GNAL: variants seen among roughly 807,000 people sequenced by gnomAD.
The protein encoded by GNAL is guanine nucleotide-binding protein G(olf) subunit alpha.
GNAL carries 18 observed loss-of-function variants against 55.1 expected under a neutral mutation model. The observed-to-expected ratio is 0.33, with a 90% confidence interval of 0.23 to 0.48. The LOEUF (loss-of-function observed/expected upper bound fraction) is 0.48, where lower values mean the gene tolerates loss of function less well. GNAL is among the 20% of genes least tolerant of loss of function. GNAL has a pLI of 0.99. For synonymous variants in GNAL, 253 were observed against 237.0 expected (o/e 1.07, Z -0.62); for missense variants, 412 against 614.1 (o/e 0.67, Z 3.48).
rs1033078688 is a variant in GNAL, at chr18:11,868,183, C to G, written c.911-360C>G. On this transcript the variant is annotated intron_variant, in intron 8 of 11. Transcript: ENST00000334049. This position sits in a 1 kb window ranked among gnomAD's most constrained non-coding sequence, Gnocchi z 4.0. Reference sequence around the variant, plus strand: ...GGTGTGGTGACACATGCCTATAATCCTAGCTACTAGGGAGGCTGAGGCAGG... The same window carrying G: ...GGTGTGGTGACACATGCCTATAATCGTAGCTACTAGGGAGGCTGAGGCAGG... 2.6e-5 allele frequency among the ~76,000 whole-genome samples: 4 copies of G among 151,846 alleles called. No individual in the cohort carries two copies. Among genetic ancestry groups the G allele is most frequent in the Admixed American group, 2.6e-4 (4 of 15,212 alleles).
At chr18:11,831,184 G>C (rs926698406) in intron 5 of GNAL, among the ~76,000 whole-genome samples, 1 of 152,252 alleles carries the variant, frequency 6.6e-6, no homozygotes, top group Admixed American at 6.5e-5. Flanking sequence ...AAAAATGACA[G>C]GAGAGGGAAG....
At chr18:11,754,747 AT>A (rs779060327) in intron 4 of GNAL, among the ~76,000 whole-genome samples, 3 of 152,212 alleles carry the variant, frequency 2.0e-5, no homozygotes, top group Non-Finnish European at 4.4e-5. Context: ...TCACTTCTGA[AT>A]GTTTATCATA....
rs144395821 is a variant in GNAL, at chr18:11,749,000, C to G, written c.377-3853C>G. 3.3e-3 allele frequency among the ~76,000 whole-genome samples: 508 copies of G among 151,986 alleles called. 6 individuals are homozygous for G. The highest frequency in any genetic ancestry group is 0.012 in the African/African-American group (487 of 41,442). ...AATTAGCTGGGTGTGATGGCGGGTG[C>G]CTATAATCCCAGCTACTCGGGAGGC... On this transcript the variant is annotated intron_variant, in intron 1 of 11. Coordinates refer to ENST00000334049, the MANE Select transcript of GNAL (RefSeq NM_182978.4).
At chr18:11,859,749 C>CTT (rs560753290) in intron 5 of GNAL, among the ~76,000 whole-genome samples, 1 of 144,990 alleles carries the variant, frequency 6.9e-6, no homozygotes, top group Non-Finnish European at 1.5e-5. Context: ...AGTTGACATT[C>CTT]TTTTTTTTTT....
At chr18:11,703,795 G>GCACACACACACACACACACACACA (rs35455680) in intron 1 of GNAL, among the ~76,000 whole-genome samples, 5 of 141,410 alleles carry the variant, frequency 3.5e-5, no homozygotes, top group African/African-American at 1.3e-4. Context: ...GTGTTGATGG[G>GCACACACACACACACACACACACA]CACACACACA....
chr18:11,798,015 A>G (rs1351715195), intron 4 of GNAL, among the ~76,000 whole-genome samples: 1 of 152,236 alleles, frequency 6.6e-6, no homozygotes, highest in East Asian at 1.9e-4. Flanking sequence ...CTTCAACAAC[A>G]TATTCCAGCA....
chr18:11,792,434 C>T (rs904425119), intron 4 of GNAL, among the ~76,000 whole-genome samples: 33 of 152,332 alleles, frequency 2.2e-4, no homozygotes, highest in African/African-American at 7.9e-4. Flanking sequence ...GATCTGCCCG[C>T]CTTGGCCTCC....
Position 11,884,239 on chromosome 18 carries a change from T to C in GNAL, c.*3104T>C. 2 of 550,256 alleles carry C rather than the reference T, an allele frequency of 3.6e-6. No individual in the cohort carries two copies. Among genetic ancestry groups the C allele is most frequent in the South Asian group, 2.4e-5 (1 of 41,202 alleles). The allele number at this position is 550,256 out of a possible 1,614,324, so 34.1% of individuals were successfully genotyped here. A position where few individuals can be genotyped will look rare whatever the true frequency, so the allele number is the denominator to read the frequency against. ...ATTTGATAAAAATGAGAAAACAGATTTGTTGTAGAGTACCTGTCCACTTTT... is the reference window on the plus strand; with the variant it reads ...ATTTGATAAAAATGAGAAAACAGATCTGTTGTAGAGTACCTGTCCACTTTT... On this transcript the variant is annotated 3_prime_UTR_variant, in exon 12 of 12. Transcript: ENST00000334049.
chr18:11,871,354 G>A (rs1166407375), intron 9 of GNAL, among the ~76,000 whole-genome samples: 2 of 151,466 alleles, frequency 1.3e-5, no homozygotes, highest in African/African-American at 2.4e-5. Context: ...CAGTTCAAGC[G>A]ATTCTCCTGC....
chr18:11,695,920 A>G (rs1387651126), intron 1 of GNAL, among the ~76,000 whole-genome samples: 4 of 140,852 alleles, frequency 2.8e-5, no homozygotes, highest in Non-Finnish European at 4.5e-5. Flanking sequence ...GCATGCACGC[A>G]TGCACACACA....
chr18:11,825,613 C>G (rs962463980), intron 5 of GNAL, among the ~76,000 whole-genome samples: 13 of 151,102 alleles, frequency 8.6e-5, no homozygotes, highest in African/African-American at 3.2e-4. Flanking sequence ...TGCCTGTAAT[C>G]CCAGCTACTC....
At chr18:11,802,188 G>A (rs959183524) in intron 4 of GNAL, among the ~76,000 whole-genome samples, 1 of 152,076 alleles carries the variant, frequency 6.6e-6, no homozygotes, top group African/African-American at 2.4e-5. Context: ...TACGAACTTC[G>A]CCCGAAAATC....
chr18:11,858,333 T>C (rs1016850855), intron 5 of GNAL, among the ~76,000 whole-genome samples: 3 of 152,224 alleles, frequency 2.0e-5, no homozygotes, highest in Non-Finnish European at 2.9e-5. Flanking sequence ...TTTTTTACAA[T>C]GCTAATTTGG....
At chr18:11,857,443 A>C (rs956833107) in intron 5 of GNAL, 1 of 979,944 alleles carries the variant, frequency 1.0e-6, no homozygotes, top group Non-Finnish European at 1.2e-6. Flanking sequence ...TGATGTTAAA[A>C]GAGACTGAAG....
At chr18:11,788,914 A>AATATATATATATATATAT (rs766675246) in intron 4 of GNAL, among the ~76,000 whole-genome samples, 8 of 56,290 alleles carry the variant, frequency 1.4e-4, no homozygotes, top group South Asian at 9.6e-4. Context: ...AAAAAAAAAA[A>AATATATATATATATATAT]ATATATATAT....
intron 1 of GNAL, among the ~76,000 whole-genome samples, chr18:11,714,031 T>C (rs1598407633): frequency 6.6e-6 from 1 of 152,108 alleles, no homozygotes; most frequent in Non-Finnish European, 1.5e-5. Context: ...AGCTTCAGAG[T>C]CGTGGGATTC....
intron 1 of GNAL, among the ~76,000 whole-genome samples, chr18:11,735,806 A>G (rs60437604): frequency 2.4e-4 from 36 of 149,676 alleles, no homozygotes; most frequent in Admixed American, 5.3e-4. Flanking sequence ...GGAAGGAAGG[A>G]AAGGAAGGAA....
intron 1 of GNAL, among the ~76,000 whole-genome samples, chr18:11,711,541 T>C (rs1245664125): frequency 1.3e-5 from 2 of 152,246 alleles, no homozygotes; most frequent in African/African-American, 4.8e-5. Flanking sequence ...TCTTCAGCTT[T>C]ACAATTTGTG....
At chr18:11,877,969 T>C (rs993733385) in intron 11 of GNAL, among the ~76,000 whole-genome samples, 2 of 152,224 alleles carry the variant, frequency 1.3e-5, no homozygotes, top group Non-Finnish European at 2.9e-5. Context: ...AAGAGAGCCT[T>C]TACTTAAGCC....
Sources: gnomAD v4.1 joint callset for allele counts (sites outside exome capture counted in the v4.1 genomes callset) on GRCh38, gnomAD v4.1.1 for gene constraint, Gnocchi (gnomAD v3.1) non-coding constraint, MANE v1.5 for transcripts, NCBI Gene and HGNC (gene_info 2026-07-23, HGNC 2026-07-21) for gene names.